The following RORB variants were observed in gnomAD, a reference collection of about 807,000 sequenced individuals.
RORB encodes the protein nuclear receptor ROR-beta.
Under a neutral mutation model 59.1 loss-of-function variants are expected in RORB, and 6 were observed. That is an observed-to-expected ratio of 0.10 (90% CI 0.06 to 0.20). The LOEUF (loss-of-function observed/expected upper bound fraction) is 0.20. Ranked by LOEUF, RORB falls within the 10% of genes least tolerant of loss-of-function variation. The pLI, the probability that RORB is intolerant of heterozygous loss-of-function variation, is 1.00. For missense variants in RORB, 320 were observed against 560.5 expected (o/e 0.57, Z 4.33); for synonymous variants, 215 against 204.5 (o/e 1.05, Z -0.44).
At chr9:74,544,780 G>A (rs1395817704) in intron 1 of RORB, among the ~76,000 whole-genome samples, 1 of 152,164 alleles carries the variant, frequency 6.6e-6, no homozygotes, top group East Asian at 1.9e-4. Flanking sequence ...TATCCAGCCA[G>A]CTCGATCAGC....
At chr9:74,557,760 G>A (rs1017275135) in intron 1 of RORB, among the ~76,000 whole-genome samples, 3 of 151,904 alleles carry the variant, frequency 2.0e-5, no homozygotes, top group African/African-American at 7.3e-5. Context: ...ACTTATTAGG[G>A]CCTCAGCACA....
At chr9:74,519,168 G>A (rs994726070) in intron 1 of RORB, among the ~76,000 whole-genome samples, 1 of 151,994 alleles carries the variant, frequency 6.6e-6, no homozygotes. Flanking sequence ...TTGAAAGATA[G>A]TTCCATCCCC....
At chr9:74,639,342 G>A (rs1181708672) in intron 3 of RORB, among the ~76,000 whole-genome samples, 1 of 152,168 alleles carries the variant, frequency 6.6e-6, no homozygotes, top group Non-Finnish European at 1.5e-5. Context: ...ACCCTGGGCA[G>A]GATGCCTGCA....
chr9:74,562,676 C>T (rs965274241), intron 1 of RORB, among the ~76,000 whole-genome samples: 3 of 152,152 alleles, frequency 2.0e-5, no homozygotes, highest in African/African-American at 7.2e-5. Flanking sequence ...TAACAAACAT[C>T]AGTCAACATG....
chr9:74,596,171 T>A (rs762145664), intron 1 of RORB, among the ~76,000 whole-genome samples: 2 of 152,192 alleles, frequency 1.3e-5, no homozygotes, highest in Non-Finnish European at 2.9e-5. Flanking sequence ...TTTCTCTATG[T>A]CATTATGAAA....
chr9:74,540,073 T>C (rs149823839), intron 1 of RORB, among the ~76,000 whole-genome samples: 86 of 152,304 alleles, frequency 5.6e-4, no homozygotes, highest in African/African-American at 2.0e-3. Flanking sequence ...TTCGCACCTT[T>C]GCACCTTCCT....
At chr9:74,509,238 A>G (rs2118034398) in intron 1 of RORB, among the ~76,000 whole-genome samples, 1 of 152,252 alleles carries the variant, frequency 6.6e-6, no homozygotes, top group East Asian at 1.9e-4. Flanking sequence ...TTATGGAAAA[A>G]TCTATAGATT....
chr9:74,574,958 C>T (rs1822610182), intron 1 of RORB, among the ~76,000 whole-genome samples: 1 of 152,050 alleles, frequency 6.6e-6, no homozygotes, highest in Non-Finnish European at 1.5e-5. Context: ...AAACTTAGCA[C>T]TGATGGGGGC....
In RORB at chr9:74,498,009, C is replaced by T. The variant is rs770428608; in HGVS notation, c.7+26C>T. On this transcript the variant is annotated intron_variant, in intron 1 of 9. Transcript: ENST00000376896. ...GTAAGCGAGTCTGCGGGCACCGAGGCTCCCCGAGTCCGGCCAACTCCAGCC... is the reference window on the plus strand; with the variant it reads ...GTAAGCGAGTCTGCGGGCACCGAGGTTCCCCGAGTCCGGCCAACTCCAGCC... 4 of 1,606,912 alleles carry T rather than the reference C, an allele frequency of 2.5e-6. No homozygotes were observed. The South Asian group carries it at 3.3e-5, about 13-fold the overall frequency.
Position 74,642,792 on chromosome 9 carries a change from C to A in RORB, c.614C>A (p.Pro205Gln). 1.9e-6 allele frequency: 3 copies of A among 1,595,254 alleles called. No homozygotes were observed. Among genetic ancestry groups the A allele is most frequent in the Non-Finnish European group, 2.6e-6 (3 of 1,167,726 alleles). ...TCTTTCAACAATGGGCAGTTAGCAC[C>A]AGGGATAACCATGACTGAAATCGGT... ...YSSFNNGQLA[P>Q]GITMTEIDRI... Residue 205 changes from proline (P) to glutamine (Q), a missense_variant, in exon 4 of 10, where the codon CCA becomes CAA. By Grantham distance (76) the Pro-to-Gln change is moderately conservative. Coordinates refer to ENST00000376896, the MANE Select transcript of RORB (RefSeq NM_006914.4).
At chr9:74,637,381 C>T (rs1018217896) in intron 3 of RORB, among the ~76,000 whole-genome samples, 4 of 152,048 alleles carry the variant, frequency 2.6e-5, no homozygotes, top group African/African-American at 7.2e-5. Context: ...TATTAGCTAT[C>T]GAATATATCA....
At chr9:74,617,827 C>G (rs904228416) in intron 1 of RORB, among the ~76,000 whole-genome samples, 1 of 152,098 alleles carries the variant, frequency 6.6e-6, no homozygotes, top group Non-Finnish European at 1.5e-5. Flanking sequence ...TGTATGTCTC[C>G]TTTTCAAAAA....
chr9:74,679,031 CAA>C (rs34377456), intron 9 of RORB, among the ~76,000 whole-genome samples: 18 of 105,540 alleles, frequency 1.7e-4, no homozygotes, highest in African/African-American at 4.5e-4. Context: ...GACTCTGTCT[CAA>C]AAAAAAAAAA....
At chr9:74,499,484 G>A (rs1220837132) in intron 1 of RORB, among the ~76,000 whole-genome samples, 3 of 152,170 alleles carry the variant, frequency 2.0e-5, no homozygotes, top group African/African-American at 7.2e-5. Context: ...CTGTCCATGG[G>A]GGAGGGGGTT....
chr9:74,651,682 A>C (rs576625371), intron 4 of RORB, among the ~76,000 whole-genome samples: 1 of 152,336 alleles, frequency 6.6e-6, no homozygotes, highest in South Asian at 2.1e-4. Flanking sequence ...AAATAGGTTA[A>C]GCGACTTCCC....
chr9:74,682,000 A>G (rs1034146570), intron 9 of RORB, among the ~76,000 whole-genome samples: 2 of 152,154 alleles, frequency 1.3e-5, no homozygotes, highest in Non-Finnish European at 1.5e-5. Context: ...TTGAGAGCTA[A>G]GCTGGCTTCC....
In RORB at chr9:74,580,448, T is replaced by C. The variant is rs540647170; in HGVS notation, c.8-49834T>C. Among the ~76,000 whole-genome samples, 26 of 152,288 alleles carry C rather than the reference T, an allele frequency of 1.7e-4. No individual in the cohort carries two copies. The South Asian group carries it at 5.2e-3, about 30-fold the overall frequency. On this transcript the variant is annotated intron_variant, in intron 1 of 9. Transcript: ENST00000376896. ...TCCTTGATTGGGATCCAGAATCATCTTTCCATGAGATACTGCCTAGCAAAC... is the reference window on the plus strand; with the variant it reads ...TCCTTGATTGGGATCCAGAATCATCCTTCCATGAGATACTGCCTAGCAAAC...
intron 1 of RORB, among the ~76,000 whole-genome samples, chr9:74,540,278 T>C (rs1227469926): frequency 6.6e-6 from 1 of 152,180 alleles, no homozygotes; most frequent in African/African-American, 2.4e-5. Flanking sequence ...CCAACCTGCC[T>C]CCTCTAGCTT....
chr9:74,533,360 G>A (rs1411861785), intron 1 of RORB, among the ~76,000 whole-genome samples: 1 of 151,838 alleles, frequency 6.6e-6, no homozygotes, highest in Admixed American at 6.6e-5. Context: ...CCCATTCTGG[G>A]AATATGATGA....
Sources: allele counts gnomAD v4.1 joint callset (sites outside exome capture counted in the v4.1 genomes callset), GRCh38; gene constraint gnomAD v4.1.1; transcripts MANE v1.5; gene names NCBI Gene and HGNC (gene_info 2026-07-23, HGNC 2026-07-21).